CDH13: variants seen among roughly 807,000 people sequenced by gnomAD.
The protein encoded by CDH13 is cadherin 13.
A neutral mutation model predicts 63.8 loss-of-function variants in CDH13; 24 were observed. The ratio of observed to expected loss-of-function variants is 0.38; its 90% CI spans 0.27 to 0.53. The LOEUF (loss-of-function observed/expected upper bound fraction) is 0.53, where lower values mean the gene tolerates loss of function less well. Ranked by LOEUF, CDH13 falls within the 20% of genes least tolerant of loss-of-function variation. CDH13 has a pLI of 0.85. For missense variants in CDH13, 1,049 were observed against 903.1 expected (o/e 1.16, Z -2.07); for synonymous variants, 503 against 355.3 (o/e 1.42, Z -4.67).
At chr16:83,551,270 C>G (rs749454637) in intron 7 of CDH13, among the ~76,000 whole-genome samples, 5 of 152,148 alleles carry the variant, frequency 3.3e-5, no homozygotes, top group Non-Finnish European at 5.9e-5. Context: ...TTAGTAGAGA[C>G]AAGGTTTCAC....
chr16:82,847,337 G>A (rs1020875535), intron 1 of CDH13, among the ~76,000 whole-genome samples: 3 of 152,168 alleles, frequency 2.0e-5, no homozygotes, highest in Non-Finnish European at 4.4e-5. Flanking sequence ...TGTTGGCAGC[G>A]ATGCATTCTT....
At chr16:82,904,191 T>G (rs913094751) in intron 2 of CDH13, among the ~76,000 whole-genome samples, 1 of 152,198 alleles carries the variant, frequency 6.6e-6, no homozygotes, top group Non-Finnish European at 1.5e-5. Flanking sequence ...AACACCTAAA[T>G]ATAACTTGGC....
At chr16:83,499,075 C>A (rs922883996) in intron 7 of CDH13, among the ~76,000 whole-genome samples, 2 of 152,152 alleles carry the variant, frequency 1.3e-5, no homozygotes, top group African/African-American at 4.8e-5. Context: ...GTGCAAAGAT[C>A]CAGCAACAAG....
At chr16:82,739,951 C>T (rs187739151) in intron 1 of CDH13, among the ~76,000 whole-genome samples, 2 of 152,250 alleles carry the variant, frequency 1.3e-5, no homozygotes, top group Admixed American at 1.3e-4. Flanking sequence ...TTCTACATCT[C>T]CAGATATTCA....
At chr16:82,970,933 A>C (rs903455193) in intron 2 of CDH13, among the ~76,000 whole-genome samples, 1 of 152,206 alleles carries the variant, frequency 6.6e-6, no homozygotes, top group Admixed American at 6.5e-5. Context: ...GGCACATTTA[A>C]AATATTTGTT....
At chr16:83,413,833 CA>C (rs1051518104) in intron 6 of CDH13, among the ~76,000 whole-genome samples, 1 of 151,728 alleles carries the variant, frequency 6.6e-6, no homozygotes, top group Non-Finnish European at 1.5e-5. Flanking sequence ...ACTAAAACTA[CA>C]AAAAAAATTT....
chr16:83,240,815 G>C (rs535082908), intron 5 of CDH13, among the ~76,000 whole-genome samples: 1 of 132,390 alleles, frequency 7.6e-6, no homozygotes, highest in South Asian at 2.5e-4. Context: ...TCCTGTCTCA[G>C]TCCCCCAAGA....
chr16:83,199,721 T>C (rs904815016), intron 4 of CDH13, among the ~76,000 whole-genome samples: 7 of 152,174 alleles, frequency 4.6e-5, no homozygotes, highest in Non-Finnish European at 5.9e-5. Context: ...GAGTGCCTAC[T>C]ATGTGCCTGC....
chr16:83,487,694 C>T (rs1188569648), intron 7 of CDH13, among the ~76,000 whole-genome samples: 6 of 151,674 alleles, frequency 4.0e-5, no homozygotes, highest in African/African-American at 9.7e-5. Context: ...ATCCCACAGG[C>T]GTGGGGCCTT....
At chr16:83,265,592 TG>T (rs1246953935) in intron 5 of CDH13, among the ~76,000 whole-genome samples, 4 of 152,104 alleles carry the variant, frequency 2.6e-5, no homozygotes, top group African/African-American at 9.7e-5. Flanking sequence ...TGGTTTTTTT[TG>T]TTCTCTCAAT....
At chr16:83,435,341 GC>G (rs1194542161) in intron 6 of CDH13, among the ~76,000 whole-genome samples, 6 of 152,072 alleles carry the variant, frequency 3.9e-5, no homozygotes, top group Admixed American at 3.9e-4. Flanking sequence ...ACTATGCCTG[GC>G]CCCCTATTTG....
intron 3 of CDH13, among the ~76,000 whole-genome samples, chr16:83,035,690 C>T (rs1287209459): frequency 2.6e-5 from 4 of 152,130 alleles, no homozygotes; most frequent in African/African-American, 9.7e-5. Context: ...TTGGGAGGGT[C>T]TACGAGGGAA....
intron 1 of CDH13, among the ~76,000 whole-genome samples, chr16:82,677,746 C>T (rs576367052): frequency 1.3e-5 from 2 of 152,298 alleles, no homozygotes; most frequent in South Asian, 2.1e-4. Flanking sequence ...ACTATACTAA[C>T]ACAAATGTTT....
intron 3 of CDH13, among the ~76,000 whole-genome samples, chr16:83,039,010 G>C (rs953720334): frequency 6.6e-6 from 1 of 152,176 alleles, no homozygotes; most frequent in Non-Finnish European, 1.5e-5. Flanking sequence ...TCCAGGCTTC[G>C]TCTTGAAACA....
At chr16:83,320,997 C>CT (rs1243129666) in intron 5 of CDH13, among the ~76,000 whole-genome samples, 2 of 152,170 alleles carry the variant, frequency 1.3e-5, no homozygotes, top group Admixed American at 6.5e-5. Context: ...CTAAAGGAAA[C>CT]TGAGACCATG....
intron 4 of CDH13, among the ~76,000 whole-genome samples, chr16:83,156,351 A>T (rs2037206370): frequency 6.6e-6 from 1 of 152,146 alleles, no homozygotes; most frequent in Non-Finnish European, 1.5e-5. Context: ...TCATGTATGC[A>T]TCTCTAACCA....
At chr16:83,474,880 C>A (rs1430201974) in intron 6 of CDH13, among the ~76,000 whole-genome samples, 1 of 152,172 alleles carries the variant, frequency 6.6e-6, no homozygotes, top group Non-Finnish European at 1.5e-5. Flanking sequence ...GGGAAACAAC[C>A]GCTGGAGGAG....
At chr16:83,007,644 G>T (rs1913672618) in intron 2 of CDH13, among the ~76,000 whole-genome samples, 1 of 152,034 alleles carries the variant, frequency 6.6e-6, no homozygotes, top group African/African-American at 2.4e-5. Context: ...AGCCTAGGCA[G>T]CATGGCAAAA....
At chr16:82,809,393 C>T (rs1431889984) in intron 1 of CDH13, among the ~76,000 whole-genome samples, 2 of 151,646 alleles carry the variant, frequency 1.3e-5, no homozygotes, top group Non-Finnish European at 2.9e-5. Context: ...TGAGTTTCTT[C>T]CTGAAGAGGA....
Sources: gnomAD v4.1 joint callset for allele counts (sites outside exome capture counted in the v4.1 genomes callset) on GRCh38, gnomAD v4.1.1 for gene constraint, MANE v1.5 for transcripts, NCBI Gene and HGNC (gene_info 2026-07-23, HGNC 2026-07-21) for gene names.